Variants in TUSC3 observed in about 807,000 individuals in gnomAD.
The protein encoded by TUSC3 is dolichyl-diphosphooligosaccharide--protein glycosyltransferase subunit TUSC3.
In TUSC3, 45 loss-of-function variants were observed where a neutral mutation model predicts 44.8. The ratio of observed to expected loss-of-function variants is 1.00; its 90% CI spans 0.79 to 1.29. The LOEUF (loss-of-function observed/expected upper bound fraction) is 1.29. Among genes scored for constraint, TUSC3 ranks in the 50% most tolerant of loss-of-function variants. The probability of loss-of-function intolerance (pLI) is 0.00; values close to 1 mark genes in which losing one functional copy is unlikely to be tolerated. For synonymous variants in TUSC3, 212 were observed against 152.9 expected, an observed-to-expected ratio of 1.39 and a Z score of -2.85; for missense variants, 519 against 437.9, an observed-to-expected ratio of 1.19 and a Z score of -1.65.
intron 9 of TUSC3, among the ~76,000 whole-genome samples, chr8:15,753,258 A>G (rs532006166): frequency 1.3e-5 from 2 of 152,064 alleles, no homozygotes; most frequent in African/African-American, 4.8e-5. Context: ...TTCCCAGATC[A>G]CATTAAAGCC....
intron 1 of TUSC3, among the ~76,000 whole-genome samples, chr8:15,438,101 T>C (rs992833225): frequency 2.0e-5 from 3 of 152,198 alleles, no homozygotes; most frequent in Non-Finnish European, 4.4e-5. Context: ...ATGTGTGTTT[T>C]GTTGGGTTTT....
At chr8:15,697,937 A>C (rs7813301) in intron 6 of TUSC3, among the ~76,000 whole-genome samples, 1 of 152,210 alleles carries the variant, frequency 6.6e-6, no homozygotes, top group Non-Finnish European at 1.5e-5. Flanking sequence ...AGATTATATC[A>C]GAGTTTAATA....
the TUSC3 span, among the ~76,000 whole-genome samples, chr8:15,836,263 G>T: frequency 6.6e-6 from 1 of 151,512 alleles, no homozygotes; most frequent in Non-Finnish European, 1.5e-5. Context: ...AATGCTTGAG[G>T]TCAGGAGTTC....
intron 2 of TUSC3, among the ~76,000 whole-genome samples, chr8:15,631,310 G>C (rs1204517422): frequency 6.6e-6 from 1 of 152,140 alleles, no homozygotes; most frequent in Non-Finnish European, 1.5e-5. Context: ...CTCTTCCTCA[G>C]ATAGGATAAT....
intron 1 of TUSC3, among the ~76,000 whole-genome samples, chr8:15,590,221 C>G (rs1563306897): frequency 6.6e-6 from 1 of 152,222 alleles, no homozygotes; most frequent in Non-Finnish European, 1.5e-5. Flanking sequence ...ACTTTTCACT[C>G]TGCTCTGGTT....
intron 7 of TUSC3, among the ~76,000 whole-genome samples, chr8:15,734,435 G>A (rs1388461117): frequency 6.6e-6 from 1 of 151,916 alleles, no homozygotes; most frequent in Non-Finnish European, 1.5e-5. Context: ...GTCTTTGAGA[G>A]AAAACTATAT....
At chr8:15,418,000 T>C (rs1196413854) in intron 1 of TUSC3, among the ~76,000 whole-genome samples, 2 of 152,188 alleles carry the variant, frequency 1.3e-5, no homozygotes, top group Non-Finnish European at 2.9e-5. Context: ...TCTGACACTT[T>C]ATAACACTTG....
At chr8:15,481,310 G>A (rs532317659) in intron 1 of TUSC3, among the ~76,000 whole-genome samples, 41 of 151,120 alleles carry the variant, frequency 2.7e-4, no homozygotes, top group Non-Finnish European at 4.0e-4. Context: ...AGGCTCTGCC[G>A]TCATCAATGG....
intron 6 of TUSC3, among the ~76,000 whole-genome samples, chr8:15,720,332 T>G (rs1430791570): frequency 6.6e-6 from 1 of 151,816 alleles, no homozygotes; most frequent in East Asian, 1.9e-4. Flanking sequence ...ATAGCAAGCT[T>G]AAAGAAATAT....
At chr8:15,747,389 G>T (rs1041590569) in intron 8 of TUSC3, among the ~76,000 whole-genome samples, 6 of 151,802 alleles carry the variant, frequency 4.0e-5, no homozygotes, top group East Asian at 3.9e-4. Context: ...GTTCTTAAAA[G>T]ATGTTTAGAT....
intron 6 of TUSC3, among the ~76,000 whole-genome samples, chr8:15,699,712 T>C (rs1047239434): frequency 6.6e-6 from 1 of 152,204 alleles, no homozygotes; most frequent in African/African-American, 2.4e-5. Context: ...GAATACTTTG[T>C]TGCTTGTTAG....
At chr8:15,521,292 A>G (rs1801293958) in intron 2 of TUSC3, among the ~76,000 whole-genome samples, 1 of 152,058 alleles carries the variant, frequency 6.6e-6, no homozygotes. Context: ...TTGGCTTACC[A>G]CTGACCTTCA....
At chr8:15,515,710 C>A (rs1465459527) in intron 2 of TUSC3, among the ~76,000 whole-genome samples, 1 of 152,096 alleles carries the variant, frequency 6.6e-6, no homozygotes, top group Non-Finnish European at 1.5e-5. Flanking sequence ...CTCTGTCACC[C>A]AGACTGGAGG....
At chr8:15,703,770 C>G (rs1372384560) in intron 6 of TUSC3, among the ~76,000 whole-genome samples, 1 of 152,048 alleles carries the variant, frequency 6.6e-6, no homozygotes, top group African/African-American at 2.4e-5. Context: ...AGGGTGGCAC[C>G]AAGTCCCCCA....
At chr8:15,813,258 T>C in the TUSC3 span, among the ~76,000 whole-genome samples, 2 of 152,144 alleles carry the variant, frequency 1.3e-5, no homozygotes, top group Non-Finnish European at 2.9e-5. Context: ...ACTAGACTGA[T>C]TAAAATGTTT....
intron 6 of TUSC3, among the ~76,000 whole-genome samples, chr8:15,722,039 G>A (rs967116313): frequency 6.6e-6 from 1 of 152,022 alleles, no homozygotes; most frequent in Non-Finnish European, 1.5e-5. Context: ...AAAGTATAAA[G>A]TGTTTGCTGA....
chr8:15,465,810 T>C (rs949762612), intron 1 of TUSC3, among the ~76,000 whole-genome samples: 4 of 152,190 alleles, frequency 2.6e-5, no homozygotes, highest in African/African-American at 4.8e-5. Flanking sequence ...AATGACTTAG[T>C]TGCTGACTTG....
intron 2 of TUSC3, among the ~76,000 whole-genome samples, chr8:15,503,429 G>C (rs898248215): frequency 4.6e-5 from 7 of 151,716 alleles, no homozygotes; most frequent in African/African-American, 1.7e-4. Flanking sequence ...TTTTTTTTCT[G>C]GATACTTCTA....
chr8:15,724,064 T>C (rs1291743405), intron 6 of TUSC3, among the ~76,000 whole-genome samples: 1 of 152,096 alleles, frequency 6.6e-6, no homozygotes, highest in Admixed American at 6.6e-5. Context: ...AGGTCCCTAA[T>C]CTGATTGGAT....
Sources: allele counts gnomAD v4.1 joint callset (sites outside exome capture counted in the v4.1 genomes callset), GRCh38; gene constraint gnomAD v4.1.1; transcripts MANE v1.5; gene names NCBI Gene and HGNC (gene_info 2026-07-23, HGNC 2026-07-21).